Variants in SPAG16 observed in about 807,000 individuals in gnomAD.
SPAG16 encodes sperm-associated antigen 16 protein.
SPAG16 carries 86 observed loss-of-function variants against 80.4 expected under a neutral mutation model. That is an observed-to-expected ratio of 1.07 (90% CI 0.90 to 1.28). The LOEUF (loss-of-function observed/expected upper bound fraction) is 1.28. SPAG16 is among the 50% of genes most tolerant of loss of function. The pLI, the probability that SPAG16 is intolerant of heterozygous loss-of-function variation, is 0.00. For missense variants in SPAG16, 870 were observed against 765.3 expected (o/e 1.14, Z -1.61); for synonymous variants, 294 against 265.9 (o/e 1.11, Z -1.03).
In SPAG16 at chr2:213,974,720, C is replaced by T. The variant is rs77601903; in HGVS notation, c.1401-39231C>T. ...GCTGCTCATGTAACTCTCTGTTACA[C>T]GTCTGCCAGCCTGTCAGTTAAGTAC... On this transcript the variant is annotated intron_variant, in intron 12 of 15. Coordinates refer to ENST00000331683, the MANE Select transcript of SPAG16 (RefSeq NM_024532.5). 9.5e-3 allele frequency among the ~76,000 whole-genome samples: 1,449 copies of T among 151,998 alleles called. 27 individuals are homozygous for T. Among genetic ancestry groups the T allele is most frequent in the African/African-American group, 0.033 (1,373 of 41,492 alleles).
chr2:213,725,791 T>C (rs1447435934), intron 10 of SPAG16, among the ~76,000 whole-genome samples: 1 of 152,226 alleles, frequency 6.6e-6, no homozygotes, highest in Non-Finnish European at 1.5e-5. Context: ...GCTGATCTTT[T>C]AGTGTTTTCC....
intron 15 of SPAG16, among the ~76,000 whole-genome samples, chr2:214,261,604 C>T (rs1301507383): frequency 1.3e-5 from 2 of 152,164 alleles, no homozygotes; most frequent in Non-Finnish European, 2.9e-5. Context: ...TTATCACACA[C>T]ATTTGCCCTT....
intron 11 of SPAG16, among the ~76,000 whole-genome samples, chr2:213,877,083 C>G (rs1176317976): frequency 6.6e-6 from 1 of 152,092 alleles, no homozygotes; most frequent in Non-Finnish European, 1.5e-5. Context: ...AGAAAAGTGA[C>G]CTTGATATTT....
At chr2:213,946,931 T>C (rs1161819992) in intron 12 of SPAG16, among the ~76,000 whole-genome samples, 1 of 152,212 alleles carries the variant, frequency 6.6e-6, no homozygotes, top group African/African-American at 2.4e-5. Flanking sequence ...AATTATTATA[T>C]TAATAGAATC....
chr2:213,900,461 A>ATAAT (rs1433012407), intron 11 of SPAG16, among the ~76,000 whole-genome samples: 12 of 152,146 alleles, frequency 7.9e-5, no homozygotes, highest in Non-Finnish European at 1.5e-4. Flanking sequence ...ATTCTTTAAC[A>ATAAT]TAATTTCTGT....
intron 10 of SPAG16, among the ~76,000 whole-genome samples, chr2:213,735,686 C>G (rs2067250552): frequency 6.6e-6 from 1 of 152,156 alleles, no homozygotes; most frequent in African/African-American, 2.4e-5. Context: ...CTATGATTGC[C>G]ACACTTAAGT....
intron 15 of SPAG16, among the ~76,000 whole-genome samples, chr2:214,153,809 T>C (rs12991954): frequency 0.4 from 60,057 of 151,958 alleles, 14,517 homozygotes; most frequent in Non-Finnish European, 0.53. Flanking sequence ...GATATAAACA[T>C]ATAGGAATCA....
chr2:214,355,345 A>G (rs1250328348), intron 15 of SPAG16, among the ~76,000 whole-genome samples: 1 of 134,132 alleles, frequency 7.5e-6, no homozygotes, highest in Non-Finnish European at 1.7e-5. Context: ...AAACAACCCC[A>G]TCAAAAAGTG....
chr2:214,053,476 G>A (rs189836487), intron 13 of SPAG16, among the ~76,000 whole-genome samples: 38 of 152,260 alleles, frequency 2.5e-4, no homozygotes, highest in Non-Finnish European at 4.1e-4. Context: ...AGAAAATTAT[G>A]AGGACTTCTG....
chr2:213,721,942 T>G (rs1283492556), intron 10 of SPAG16, among the ~76,000 whole-genome samples: 1 of 152,200 alleles, frequency 6.6e-6, no homozygotes, highest in Non-Finnish European at 1.5e-5. Flanking sequence ...ATATTACAAG[T>G]GCTTTATTTT....
rs535545342 is a variant in SPAG16 at position 213,679,421 on chromosome 2, A to C, written c.1071-183064A>C. ...TCCAGAAAGTAGAACTAACCAAATAAATGTGCAATTTGATTTAAAATTGTA... is the reference window on the plus strand; with the variant it reads ...TCCAGAAAGTAGAACTAACCAAATACATGTGCAATTTGATTTAAAATTGTA... On this transcript the variant is annotated intron_variant, in intron 10 of 15. Coordinates refer to ENST00000331683, the MANE Select transcript of SPAG16 (RefSeq NM_024532.5). Among the ~76,000 whole-genome samples the C allele has an allele frequency of 4.6e-5, 7 of 152,340 alleles. No individual in the cohort carries two copies. In the East Asian group the frequency reaches 1.2e-3, roughly 25 times the overall value.
At chr2:213,677,610 T>A (rs2064153084) in intron 10 of SPAG16, among the ~76,000 whole-genome samples, 1 of 152,034 alleles carries the variant, frequency 6.6e-6, no homozygotes, top group Non-Finnish European at 1.5e-5. Context: ...GCACCCAGAT[T>A]CATAAAGCAA....
At chr2:213,634,657 A>G (rs975083631) in intron 10 of SPAG16, among the ~76,000 whole-genome samples, 1 of 152,056 alleles carries the variant, frequency 6.6e-6, no homozygotes, top group African/African-American at 2.4e-5. Context: ...GGTTACATGG[A>G]TAAGTTCTTT....
chr2:213,531,588 C>T (rs955261453), intron 10 of SPAG16, among the ~76,000 whole-genome samples: 5 of 152,070 alleles, frequency 3.3e-5, no homozygotes, highest in South Asian at 2.1e-4. Flanking sequence ...ACAGTACCTA[C>T]GGATTCCAAG....
chr2:213,647,410 C>G (rs1026194576), intron 10 of SPAG16, among the ~76,000 whole-genome samples: 2 of 152,180 alleles, frequency 1.3e-5, no homozygotes, highest in Non-Finnish European at 1.5e-5. Context: ...TTTCACCTTT[C>G]TTTTGAGCTT....
chr2:214,313,161 T>C (rs1176331534), intron 15 of SPAG16, among the ~76,000 whole-genome samples: 5 of 152,144 alleles, frequency 3.3e-5, no homozygotes, highest in Admixed American at 3.3e-4. Flanking sequence ...ACATTTACTT[T>C]AGTGAAATTG....
At chr2:213,889,409 T>C (rs1257248302) in intron 11 of SPAG16, among the ~76,000 whole-genome samples, 1 of 151,826 alleles carries the variant, frequency 6.6e-6, no homozygotes, top group East Asian at 1.9e-4. Flanking sequence ...AGACTTGTGG[T>C]TATATTTCCT....
At chr2:213,864,375 T>C (rs958936835) in intron 11 of SPAG16, among the ~76,000 whole-genome samples, 25 of 152,254 alleles carry the variant, frequency 1.6e-4, no homozygotes, top group African/African-American at 5.5e-4. Context: ...TCCTATCTCA[T>C]GGTATACTTC....
chr2:214,178,445 C>T (rs1357120773), intron 15 of SPAG16, among the ~76,000 whole-genome samples: 4 of 151,306 alleles, frequency 2.6e-5, no homozygotes, highest in Admixed American at 1.3e-4. Context: ...TGGTTCAGCA[C>T]GCTTGTGCTG....
Sources: allele counts gnomAD v4.1 joint callset (sites outside exome capture counted in the v4.1 genomes callset), GRCh38; gene constraint gnomAD v4.1.1; transcripts MANE v1.5; gene names NCBI Gene and HGNC (gene_info 2026-07-23, HGNC 2026-07-21).